Variants in LRBA observed in about 807,000 individuals in gnomAD.
LRBA encodes the protein lipopolysaccharide-responsive and beige-like anchor protein.
In LRBA, 176 loss-of-function variants were observed where a neutral mutation model predicts 330.0. The ratio of observed to expected loss-of-function variants is 0.53; its 90% CI spans 0.47 to 0.60. The LOEUF is 0.60. Among genes scored for constraint, LRBA ranks in the 20% least tolerant of loss-of-function variants. The probability of loss-of-function intolerance (pLI) is 0.00; values close to 1 mark genes in which losing one functional copy is unlikely to be tolerated. For missense variants in LRBA, 3,259 were observed against 3,444.8 expected (o/e 0.95, Z 1.35); for synonymous variants, 1,230 against 1,193.0 (o/e 1.03, Z -0.64).
chr4:150,302,634 T>C lies in LRBA; in HGVS notation c.8008A>G (p.Asn2670Asp), dbSNP rs1729818798. 9 of 1,606,448 alleles carry C rather than the reference T, an allele frequency of 5.6e-6. No individual in the cohort carries two copies. The East Asian group carries it at 1.8e-4, about 32-fold the overall frequency. ...WNGKCSGIGD[N>D]PGSETAAPRA... is the part of the protein sequence containing the mutation. ...AATGAGTCATACTTACTGCCTGGGT[T>C]ATCTCCAATCCCACTGCATTTTCCA... The change falls in exon 53 of 57, where the codon AAC becomes GAC. Residue 2670 changes from asparagine to aspartate, a missense_variant. Asn to Asp is a conservative substitution (Grantham distance 23). Transcript: ENST00000651943.
Position 150,915,669 on chromosome 4 carries a change from C to T in LRBA, c.953G>A (p.Cys318Tyr). Residue 318 changes from cysteine to tyrosine, a missense_variant, in exon 8 of 57, where the codon TGT becomes TAT. Transcript: ENST00000651943. ...GGAAGCCAGCTCACCATTCACATAA[C>T]ATCGAAGTTCACTATTCTTCCATCG... ...YNRWKNSELR[C>Y]YVNGELASYG... 6.2e-7 allele frequency: 1 copy of T among 1,612,614 alleles called. No individual in the cohort carries two copies. Among genetic ancestry groups the T allele is most frequent in the Non-Finnish European group, 8.5e-7 (1 of 1,178,916 alleles).
chr4:150,543,300 A>G (rs1765514323), intron 40 of LRBA, among the ~76,000 whole-genome samples: 2 of 152,210 alleles, frequency 1.3e-5, no homozygotes, highest in African/African-American at 4.8e-5. Context: ...TAGGGAATAC[A>G]TCCTGAATTT....
intron 4 of LRBA, among the ~76,000 whole-genome samples, chr4:150,926,939 T>A (rs1384394291): frequency 6.6e-6 from 1 of 150,868 alleles, no homozygotes; most frequent in Non-Finnish European, 1.5e-5. Context: ...GGCGTGGTGG[T>A]GTGCGCCTGT....
At chr4:150,324,362 G>A (rs1385547842) in intron 49 of LRBA, among the ~76,000 whole-genome samples, 1 of 152,102 alleles carries the variant, frequency 6.6e-6, no homozygotes, top group Non-Finnish European at 1.5e-5. Flanking sequence ...CTTGCTAAAT[G>A]TTTGCTATCT....
At chr4:150,826,989 C>A (rs189828108) in intron 30 of LRBA, among the ~76,000 whole-genome samples, 139 of 152,224 alleles carry the variant, frequency 9.1e-4, no homozygotes, top group African/African-American at 3.2e-3. Context: ...CAGAACTAAT[C>A]AAGGAAATCA....
At chr4:150,471,281 T>C (rs1756098574) in intron 43 of LRBA, among the ~76,000 whole-genome samples, 1 of 152,120 alleles carries the variant, frequency 6.6e-6, no homozygotes, top group Non-Finnish European at 1.5e-5. Context: ...TCAAATAGTA[T>C]CCATCCTTAT....
At chr4:150,681,363 A>G (rs1484424718) in intron 37 of LRBA, among the ~76,000 whole-genome samples, 1 of 152,236 alleles carries the variant, frequency 6.6e-6, no homozygotes, top group African/African-American at 2.4e-5. Context: ...GTGAGCCAGC[A>G]TACATTTTTG....
chr4:150,435,250 C>A (rs1750959211), intron 46 of LRBA, among the ~76,000 whole-genome samples: 1 of 152,070 alleles, frequency 6.6e-6, no homozygotes, highest in African/African-American at 2.4e-5. Context: ...ACTTGGGAGG[C>A]TGAGGCAGAA....
At chr4:150,351,808 A>ATGTACTATGTTTTT (rs1236669518) in intron 47 of LRBA, among the ~76,000 whole-genome samples, 1 of 152,232 alleles carries the variant, frequency 6.6e-6, no homozygotes, top group African/African-American at 2.4e-5. Context: ...CTATACCTAT[A>ATGTACTATGTTTTT]TGTACTATGT....
chr4:150,893,066 T>C lies in LRBA; in HGVS notation c.2151A>G (p.Gln717=). ...HPNSMIPAFD[Q]RNGLRVIYKL... ...AAAACTCTTACCGTAACCCATTCCT[T>C]TGGTCAAAAGCAGGAATCATAGAGT... The change falls in exon 17 of 57, where the codon CAA becomes CAG. Residue 717 remains glutamine (Q), a synonymous_variant. Coordinates refer to ENST00000651943, the MANE Select transcript of LRBA (RefSeq NM_001364905.1). The C allele has an allele frequency of 6.2e-7, 1 of 1,608,054 alleles. No individual in the cohort carries two copies. Among genetic ancestry groups the C allele is most frequent in the East Asian group, 2.2e-5 (1 of 44,712 alleles).
At chr4:150,849,292 T>TA (rs1474007618) in intron 25 of LRBA, 130 bp downstream of exon 25, 10 of 774,774 alleles carry the variant, frequency 1.3e-5, no homozygotes, top group Non-Finnish European at 1.9e-5. Flanking sequence ...TCCTCTCAAG[T>TA]AAAAGATCCT....
At chr4:151,007,931 A>T (rs1744305108) in intron 2 of LRBA, among the ~76,000 whole-genome samples, 1 of 152,068 alleles carries the variant, frequency 6.6e-6, no homozygotes, top group African/African-American at 2.4e-5. Flanking sequence ...ACTTAAAATG[A>T]ATCATAGGCC....
intron 40 of LRBA, among the ~76,000 whole-genome samples, chr4:150,553,606 T>C (rs1766906304): frequency 6.6e-6 from 1 of 152,086 alleles, no homozygotes; most frequent in Non-Finnish European, 1.5e-5. Context: ...ATCCAAAAAA[T>C]TGTCAAGTCA....
intron 22 of LRBA, among the ~76,000 whole-genome samples, chr4:150,854,121 T>C (rs1750944635): frequency 6.6e-6 from 1 of 152,160 alleles, no homozygotes; most frequent in African/African-American, 2.4e-5. Context: ...TTAACTCGCC[T>C]TTACTCATGA....
intron 37 of LRBA, among the ~76,000 whole-genome samples, chr4:150,628,311 C>G (rs576758414): frequency 2.0e-5 from 3 of 152,182 alleles, no homozygotes; most frequent in African/African-American, 7.2e-5. Flanking sequence ...AAGATCCAAT[C>G]GGGTATAGAG....
chr4:150,886,243 CCT>C (rs149837826), intron 17 of LRBA, among the ~76,000 whole-genome samples: 28 of 152,210 alleles, frequency 1.8e-4, no homozygotes, highest in East Asian at 1.7e-3. Context: ...TGAATCTGCC[CCT>C]GTTTCAGGGC....
At chr4:150,465,045 T>G (rs1755272665) in intron 44 of LRBA, among the ~76,000 whole-genome samples, 1 of 152,016 alleles carries the variant, frequency 6.6e-6, no homozygotes, top group South Asian at 2.1e-4. Context: ...CATGAAACAC[T>G]AACTCCTCAT....
At chr4:150,423,123 G>A in intron 46 of LRBA, 1 of 886,116 alleles carries the variant, frequency 1.1e-6, no homozygotes, top group South Asian at 1.3e-5. Context: ...AAAGTGCCAG[G>A]AAGCTACCAC....
chr4:150,347,272 A>C (rs1246104436), intron 48 of LRBA, among the ~76,000 whole-genome samples: 1 of 152,220 alleles, frequency 6.6e-6, no homozygotes, highest in Non-Finnish European at 1.5e-5. Flanking sequence ...TGGGAAGATG[A>C]AACATTTCTA....
Sources: allele counts gnomAD v4.1 joint callset (sites outside exome capture counted in the v4.1 genomes callset), GRCh38; gene constraint gnomAD v4.1.1; transcripts MANE v1.5; gene names NCBI Gene and HGNC (gene_info 2026-07-23, HGNC 2026-07-21).